BEND7: variants seen among roughly 807,000 people sequenced by gnomAD.
BEND7 encodes BEN domain-containing protein 7.
A neutral mutation model predicts 50.9 loss-of-function variants in BEND7; 28 were observed. That is an observed-to-expected ratio of 0.55 (90% CI 0.41 to 0.75). BEND7 has a LOEUF of 0.75. Ranked by LOEUF, BEND7 falls within the 30% of genes least tolerant of loss-of-function variation. BEND7 has a pLI of 0.00. For synonymous variants in BEND7, 170 were observed against 183.9 expected, an observed-to-expected ratio of 0.92 and a Z score of 0.61; for missense variants, 477 against 491.3, an observed-to-expected ratio of 0.97 and a Z score of 0.28.
In BEND7 at chr10:13,472,094, G is replaced by A. The variant is rs145026568; in HGVS notation, c.1063+8805C>T. Among the ~76,000 whole-genome samples, 444 of 151,964 alleles carry A rather than the reference G, an allele frequency of 2.9e-3. 3 individuals carry two copies. The highest frequency in any genetic ancestry group is 0.01 in the African/African-American group (432 of 41,464). On this transcript the variant is annotated intron_variant, in intron 6 of 8. Transcript: ENST00000466271. The stretch of plus-strand genomic sequence containing the variant: ...CGTCATCACTGTTAGACTCGGGGTC[G>A]ATACCCGTCATCACTGTTAGACTTG...
At position 13,517,967 on chromosome 10, in the gene BEND7, G is replaced by A. The variant is rs77373876; in HGVS notation, c.145+8171C>T. On this transcript the variant is annotated intron_variant, in intron 2 of 8. Transcript: ENST00000466271. ...CAGACTTCCCGCGCCAACATCCCAG[G>A]TCTATTTTTAACTATGAGATGCAAA... Among the ~76,000 whole-genome samples, 4 of 152,214 alleles carry A rather than the reference G, an allele frequency of 2.6e-5. 1 individual carries two copies. In the South Asian group the frequency reaches 8.3e-4, roughly 32 times the overall value.
At chr10:13,463,487 T>C (rs1035747287) in intron 6 of BEND7, among the ~76,000 whole-genome samples, 2 of 152,134 alleles carry the variant, frequency 1.3e-5, no homozygotes, top group African/African-American at 4.8e-5. Context: ...ATGGCAGAGA[T>C]AGAATTATGA....
intron 2 of BEND7, among the ~76,000 whole-genome samples, chr10:13,514,850 ACTTTTAAAAGGTAC>A (rs1471856705): frequency 6.6e-6 from 1 of 152,148 alleles, no homozygotes; most frequent in Non-Finnish European, 1.5e-5. Context: ...CTGACTTTTT[ACTTTTAAAAGGTAC>A]CTGAACCTTG....
rs921276474 is a variant in BEND7, at chr10:13,447,154, A to G, written c.1234+112T>C. ...ATGACGGGGCCTGGTCCACTGCAGA[A>G]GCAGTTTGCTCAAGTGTCTGCATGT... On this transcript the variant is annotated intron_variant, in intron 8 of 8. Transcript: ENST00000466271. The G allele has an allele frequency of 2.8e-6, 3 of 1,083,862 alleles. No individual in the cohort carries two copies. The African/African-American group carries it at 5.0e-5, about 18-fold the overall frequency. The allele number at this position is 1,083,862 out of a possible 1,614,324, so 67.1% of individuals were successfully genotyped here.
Position 13,508,147 on chromosome 10 carries a change from A to C in BEND7, c.146-8067T>G, listed in dbSNP as rs544722566. On this transcript the variant is annotated intron_variant, in intron 2 of 8. Coordinates refer to ENST00000466271, the MANE Select transcript of BEND7 (RefSeq NM_001369863.1). ...ACAGACCCTGTGCTTTGAGGACCTG[A>C]GGCTGGCACCTCTTTCCAGACCCCA... Among the ~76,000 whole-genome samples the C allele has an allele frequency of 3.9e-5, 6 of 152,300 alleles. No homozygotes were observed. The South Asian group carries it at 1.0e-3, about 26-fold the overall frequency.
Position 13,441,460 on chromosome 10 carries a change from T to TGG in BEND7, c.*282_*283insCC. The TGG allele has an allele frequency of 8.6e-7, 1 of 1,159,982 alleles. No individual in the cohort carries two copies. The highest frequency in any genetic ancestry group is 5.5e-5 in the Admixed American group (1 of 18,158). 71.9% of individuals were successfully genotyped at this position (1,159,982 alleles called of 1,614,324 possible). A position where few individuals can be genotyped will look rare whatever the true frequency, so the allele number is the denominator to read the frequency against. On this transcript the variant is annotated 3_prime_UTR_variant, in exon 9 of 9. Coordinates refer to ENST00000466271, the MANE Select transcript of BEND7 (RefSeq NM_001369863.1). ...TCCGTTCATCGCACACATCTTTGGG[T>TGG]TGAACAAGCTCCACCCGTCCTCAAG...
intron 6 of BEND7, among the ~76,000 whole-genome samples, chr10:13,477,211 T>C (rs2075514688): frequency 6.6e-6 from 1 of 152,224 alleles, no homozygotes; most frequent in South Asian, 2.1e-4. Flanking sequence ...ACTCCTACTG[T>C]TATTTTCATT....
At position 13,481,082 on chromosome 10, in the gene BEND7, T is replaced by C; in HGVS notation, c.880A>G (p.Lys294Glu). Residue 294 changes from lysine (K) to glutamate (E), a missense_variant, in exon 6 of 9, where the codon AAA (lysine) becomes GAA (glutamate). Lys to Glu is a moderately conservative substitution (Grantham distance 56). Transcript: ENST00000466271. ...LAEGFDVFMPKSQLDSILSNY... is the reference protein window; with the variant it reads ...LAEGFDVFMPESQLDSILSNY... ...GACAATATAGAGTCCAGCTGAGATT[T>C]AGGCATAAACACGTCAAAGCCTTCA... 6.2e-7 allele frequency: 1 copy of C among 1,614,142 alleles called. No homozygotes were observed. Among genetic ancestry groups the C allele is most frequent in the Non-Finnish European group, 8.5e-7 (1 of 1,179,996 alleles).
rs377265070 is a variant in BEND7 at position 13,441,373 on chromosome 10, A to G, written c.*370T>C. 9.4e-7 allele frequency: 1 copy of G among 1,065,246 alleles called. No individual in the cohort carries two copies. The allele number at this position is 1,065,246 out of a possible 1,614,324, so 66.0% of individuals were successfully genotyped here. On this transcript the variant is annotated 3_prime_UTR_variant, in exon 9 of 9. Transcript: ENST00000466271. Reference sequence around the variant, plus strand: ...ACAGTAGTCACAGTAAGTAAACACAATTTTAATTTACAAAATATGATTTTG... The same window carrying G: ...ACAGTAGTCACAGTAAGTAAACACAGTTTTAATTTACAAAATATGATTTTG...
chr10:13,457,727 G>A (rs1839297358), intron 6 of BEND7, among the ~76,000 whole-genome samples: 2 of 152,202 alleles, frequency 1.3e-5, no homozygotes, highest in South Asian at 4.1e-4. Flanking sequence ...AGGTATTGGG[G>A]AGACAGAATG....
intron 8 of BEND7, chr10:13,442,090 A>G (rs1835411784): frequency 7.3e-6 from 2 of 275,764 alleles, no homozygotes; most frequent in Admixed American, 5.0e-5. Context: ...AATACCTTGG[A>G]CAGGGTAGTC....
At chr10:13,463,243 A>G (rs2073893832) in intron 6 of BEND7, among the ~76,000 whole-genome samples, 1 of 152,378 alleles carries the variant, frequency 6.6e-6, no homozygotes, top group African/African-American at 2.4e-5. Context: ...CACTAGGCAG[A>G]AATGGTTCAG....
At chr10:13,480,400 T>C (rs2075772047) in intron 6 of BEND7, among the ~76,000 whole-genome samples, 1 of 152,130 alleles carries the variant, frequency 6.6e-6, no homozygotes, top group South Asian at 2.1e-4. Flanking sequence ...GCCAGGCATG[T>C]GTGGGGACGC....
At chr10:13,494,879 C>G (rs1403285349) in intron 4 of BEND7, among the ~76,000 whole-genome samples, 1 of 152,136 alleles carries the variant, frequency 6.6e-6, no homozygotes, top group Non-Finnish European at 1.5e-5. Context: ...GGCATTAAAC[C>G]TTAAGTAAAT....
intron 2 of BEND7, chr10:13,500,696 C>T (rs2077378308): frequency 2.0e-6 from 2 of 985,436 alleles, no homozygotes; most frequent in Non-Finnish European, 2.4e-6. Context: ...AGAGGACGGC[C>T]GAGGAGACAG....
intron 5 of BEND7, among the ~76,000 whole-genome samples, chr10:13,486,077 C>T (rs1588887918): frequency 6.6e-6 from 1 of 152,188 alleles, no homozygotes; most frequent in East Asian, 1.9e-4. Context: ...CACAGTCTCA[C>T]TATGTTGTCC....
intron 1 of BEND7, chr10:13,527,897 T>C (rs1181068003): frequency 6.3e-6 from 6 of 958,024 alleles, no homozygotes; most frequent in South Asian, 4.8e-5. Flanking sequence ...TCTTTTTTCT[T>C]TTTTTTAAAG....
intron 8 of BEND7, chr10:13,442,232 C>A (rs1835441991): frequency 6.5e-6 from 1 of 154,058 alleles, no homozygotes; most frequent in Non-Finnish European, 1.4e-5. Context: ...TAGCTCTTAA[C>A]ATTCTGTGCT....
intron 6 of BEND7, among the ~76,000 whole-genome samples, chr10:13,458,260 T>C (rs964133580): frequency 7.9e-5 from 12 of 152,352 alleles, no homozygotes; most frequent in Middle Eastern, 3.4e-3. Flanking sequence ...CTGCTCCTCA[T>C]GTAATCATCA....
Sources: allele counts gnomAD v4.1 joint callset (sites outside exome capture counted in the v4.1 genomes callset), GRCh38; gene constraint gnomAD v4.1.1; transcripts MANE v1.5; gene names NCBI Gene and HGNC (gene_info 2026-07-23, HGNC 2026-07-21).